ACY3: variants seen among roughly 807,000 people sequenced by gnomAD.
ACY3 encodes the protein aminoacylase 3.
Under a neutral mutation model 24.6 loss-of-function variants are expected in ACY3, and 20 were observed. That is an observed-to-expected ratio of 0.81 (90% CI 0.57 to 1.18). ACY3 has a LOEUF of 1.18. Ranked by LOEUF, ACY3 falls within the 50% of genes most tolerant of loss-of-function variation. The pLI is 0.00. For missense variants in ACY3, 423 were observed against 426.8 expected, an observed-to-expected ratio of 0.99 and a Z score of 0.08; for synonymous variants, 174 against 188.4, an observed-to-expected ratio of 0.92 and a Z score of 0.62.
intron 1 of ACY3, among the ~76,000 whole-genome samples, chr11:67,649,934 G>A (rs567390762): frequency 3.0e-4 from 40 of 133,630 alleles, no homozygotes; most frequent in South Asian, 2.5e-3. Context: ...GCATGTGTGC[G>A]TGTGTGTGTG....
At chr11:67,649,248 C>G (rs1032731701) in intron 1 of ACY3, among the ~76,000 whole-genome samples, 4 of 152,120 alleles carry the variant, frequency 2.6e-5, no homozygotes, top group Non-Finnish European at 5.9e-5. Context: ...GAAGGCCCCC[C>G]CAACCCCCAC....
At chr11:67,650,234 T>TC (rs34783536) in intron 1 of ACY3, among the ~76,000 whole-genome samples, 2 of 151,802 alleles carry the variant, frequency 1.3e-5, no homozygotes, top group African/African-American at 4.8e-5. Context: ...GAGCTGTGGT[T>TC]CCCCCCTGTG....
At chr11:67,650,016 G>T (rs1855598914) in intron 1 of ACY3, among the ~76,000 whole-genome samples, 1 of 152,214 alleles carries the variant, frequency 6.6e-6, no homozygotes, top group South Asian at 2.1e-4. Context: ...GAGATTCAGT[G>T]CCCTCTCTGG....
rs141313895 is a variant in ACY3 at position 67,646,309 on chromosome 11, T to G, written c.237-422A>C. Among the ~76,000 whole-genome samples the G allele has an allele frequency of 4.7e-3, 709 of 152,360 alleles. 2 individuals carry two copies. Among genetic ancestry groups the G allele is most frequent in the Middle Eastern group, 0.027 (8 of 294 alleles). ...TCCAGGAAGCCTTCCCTGACTGCTCTCAGCCAGGTTAGCTGCTTTGTGTAG... is the reference window on the plus strand; with the variant it reads ...TCCAGGAAGCCTTCCCTGACTGCTCGCAGCCAGGTTAGCTGCTTTGTGTAG... On this transcript the variant is annotated intron_variant, in intron 3 of 7. Transcript: ENST00000255082.
intron 3 of ACY3, 127 bp downstream of exon 3, chr11:67,646,681 G>A: frequency 1.1e-6 from 1 of 909,846 alleles, no homozygotes; most frequent in Non-Finnish European, 1.7e-6. Flanking sequence ...GTGGAGGAAT[G>A]GGCCACATAG....
intron 1 of ACY3, among the ~76,000 whole-genome samples, chr11:67,650,234 TC>T (rs34783536): frequency 0.054 from 8,167 of 151,912 alleles, 733 homozygotes; most frequent in African/African-American, 0.19. Flanking sequence ...GAGCTGTGGT[TC>T]CCCCCTGTGT....
At chr11:67,646,712 A>G in intron 3 of ACY3, 96 bp downstream of exon 3, 1 of 1,169,322 alleles carries the variant, frequency 8.6e-7, no homozygotes, top group Non-Finnish European at 1.3e-6. Flanking sequence ...AGCAGGAGTG[A>G]AGGCAGGGAG....
chr11:67,644,864 C>T lies in ACY3; in HGVS notation c.640G>A (p.Ala214Thr), dbSNP rs1855480081. The change falls in exon 7 of 8, where the codon GCC (alanine) becomes ACC (threonine). Residue 214 changes from alanine to threonine, a missense_variant. Transcript: ENST00000255082. ...DFIELFNQGT[A>T]FPAFEMEAYR... is the part of the protein sequence containing the mutation. ...GCTTCCATCTCAAAGGCAGGAAAGGCCGTACCTGTGTGGGAGGCTGGGTGT... is the reference window on the plus strand; with the variant it reads ...GCTTCCATCTCAAAGGCAGGAAAGGTCGTACCTGTGTGGGAGGCTGGGTGT... 2 of 1,604,442 alleles carry T rather than the reference C, an allele frequency of 1.2e-6. No individual in the cohort carries two copies. The highest frequency in any genetic ancestry group is 3.4e-5 in the Admixed American group (2 of 58,008).
intron 3 of ACY3, among the ~76,000 whole-genome samples, chr11:67,646,513 C>T (rs180858101): frequency 1.2e-4 from 19 of 152,350 alleles, no homozygotes; most frequent in Admixed American, 1.1e-3. Context: ...GAACAGTGAT[C>T]AGGGCACACG....
chr11:67,645,774 T>G lies in ACY3; in HGVS notation c.350A>C (p.Asn117Thr), dbSNP rs767063105. 1.5e-5 allele frequency: 24 copies of G among 1,613,976 alleles called. No homozygotes were observed. The Admixed American group carries it at 3.5e-4, about 24-fold the overall frequency. The change falls in exon 4 of 8, where the codon AAC (asparagine) becomes ACC (threonine). Residue 117 changes from asparagine (N) to threonine (T), a missense_variant. Coordinates refer to ENST00000255082, the MANE Select transcript of ACY3 (RefSeq NM_080658.2). ...QAFDFVLDLH[N>T]TTANMGTCLI... Reference sequence around the variant, plus strand: ...GCAGGTGCCCATGTTGGCCGTGGTGTTGTGCAGGTCAAGGACAAAGTCAAA... The same window carrying G: ...GCAGGTGCCCATGTTGGCCGTGGTGGTGTGCAGGTCAAGGACAAAGTCAAA...
intron 1 of ACY3, among the ~76,000 whole-genome samples, chr11:67,647,964 C>T (rs1855550044): frequency 6.6e-6 from 1 of 152,222 alleles, no homozygotes; most frequent in Non-Finnish European, 1.5e-5. Context: ...TTCACCACCT[C>T]GGCAACATGC....
At chr11:67,645,262 C>A (rs772979621) in intron 5 of ACY3, 25 bp downstream of exon 5, 3 of 1,612,846 alleles carry the variant, frequency 1.9e-6, no homozygotes, top group Non-Finnish European at 2.5e-6. Context: ...TGGCCCCGCC[C>A]ACTTCTCAGA....
At chr11:67,649,726 T>C (rs1328431885) in intron 1 of ACY3, among the ~76,000 whole-genome samples, 1 of 149,804 alleles carries the variant, frequency 6.7e-6, no homozygotes, top group African/African-American at 2.5e-5. Flanking sequence ...CGTGTGTGCA[T>C]GAGAGCATGT....
rs2134111529 is a variant in ACY3 at position 67,646,957 on chromosome 11, G to A, written c.87C>T (p.Tyr29=). 2.5e-6 allele frequency: 4 copies of A among 1,589,684 alleles called. No individual in the cohort carries two copies. The highest frequency in any genetic ancestry group is 1.3e-5 in the African/African-American group (1 of 74,670). Residue 29 remains tyrosine (Y), a synonymous_variant, in exon 3 of 8, where the codon TAC becomes TAT. Coordinates refer to ENST00000255082, the MANE Select transcript of ACY3 (RefSeq NM_080658.2). ...GTHGNEMSGV[Y]LARHWLHAPA... ...GGGCATGCAGCCAGTGCCGGGCCAG[G>A]TAGACGCCCGACATCTCGTTGCCAT...
chr11:67,646,855 G>C lies in ACY3; in HGVS notation c.189C>G (p.Arg63=). ...ANPAATSGCR[R]YVDHDLNRTF... Reference sequence around the variant, plus strand: ...TGCGGTTGAGGTCATGGTCCACGTAGCGGCGGCAGCCGGATGTGGCTGCCG... The same window carrying C: ...TGCGGTTGAGGTCATGGTCCACGTACCGGCGGCAGCCGGATGTGGCTGCCG... Residue 63 remains arginine, a synonymous_variant, in exon 3 of 8, where the codon CGC becomes CGG. Coordinates refer to ENST00000255082, the MANE Select transcript of ACY3 (RefSeq NM_080658.2). 6.2e-7 allele frequency: 1 copy of C among 1,612,678 alleles called. No homozygotes were observed. Among genetic ancestry groups the C allele is most frequent in the Non-Finnish European group, 8.5e-7 (1 of 1,179,864 alleles).
chr11:67,643,993 T>C (rs1477752657), intron 7 of ACY3, among the ~76,000 whole-genome samples: 1 of 152,036 alleles, frequency 6.6e-6, no homozygotes, highest in African/African-American at 2.4e-5. Flanking sequence ...AGATTCTGTC[T>C]CAAAAAATAA....
In ACY3 at chr11:67,649,800, A is replaced by C. The variant is rs1198955610; in HGVS notation, c.-95+783T>G. ...GTGTGTACGTGTGTGCATGTGCATG[A>C]GAGTATTGTGTGCATGTGTGCATGC... On this transcript the variant is annotated intron_variant, in intron 1 of 7. Coordinates refer to ENST00000255082, the MANE Select transcript of ACY3 (RefSeq NM_080658.2). Among the ~76,000 whole-genome samples the C allele has an allele frequency of 3.3e-5, 4 of 122,548 alleles. No individual in the cohort carries two copies. In the East Asian group the frequency reaches 7.3e-4, roughly 22 times the overall value. The allele number at this position is 122,548 out of a possible 152,430, so 80.4% of individuals were successfully genotyped here.
Position 67,642,862 on chromosome 11 carries a change from T to C in ACY3, c.822A>G (p.Gly274=), listed in dbSNP as rs901806839. The C allele has an allele frequency of 1.9e-6, 3 of 1,614,080 alleles. No homozygotes were observed. Among genetic ancestry groups the C allele is most frequent in the Non-Finnish European group, 2.5e-6 (3 of 1,180,030 alleles). The change falls in exon 8 of 8, where the codon GGA becomes GGG. Residue 274 remains glycine (G), a synonymous_variant. Transcript: ENST00000255082. ...TGAACACGGGGTACACCGTGGACTCTCCCTCATAGAGCAGGTCCTCCCCAC... is the reference window on the plus strand; with the variant it reads ...TGAACACGGGGTACACCGTGGACTCCCCCTCATAGAGCAGGTCCTCCCCAC... The part of the protein sequence containing the change: ...MFSGEDLLYE[G]ESTVYPVFIN...
chr11:67,646,201 C>T (rs1324917448), intron 3 of ACY3, among the ~76,000 whole-genome samples: 2 of 152,204 alleles, frequency 1.3e-5, no homozygotes, highest in African/African-American at 2.4e-5. Context: ...TGTGCTTGGC[C>T]CTCCAGTGGA....
Sources: allele counts gnomAD v4.1 joint callset (sites outside exome capture counted in the v4.1 genomes callset), GRCh38; gene constraint gnomAD v4.1.1; transcripts MANE v1.5; gene names NCBI Gene and HGNC (gene_info 2026-07-23, HGNC 2026-07-21).